ARHGEF4: variants seen among roughly 807,000 people sequenced by gnomAD.
ARHGEF4 encodes the protein APC-stimulated guanine nucleotide exchange factor 1.
A neutral mutation model predicts 162.0 loss-of-function variants in ARHGEF4; 119 were observed. That is an observed-to-expected ratio of 0.73 (90% CI 0.63 to 0.86). The LOEUF (loss-of-function observed/expected upper bound fraction) is 0.86. Among genes scored for constraint, ARHGEF4 ranks in the 40% least tolerant of loss-of-function variants. The probability of loss-of-function intolerance (pLI) is 0.00; values close to 1 mark genes in which losing one functional copy is unlikely to be tolerated. For synonymous variants in ARHGEF4, 1,014 were observed against 979.9 expected (o/e 1.03, Z -0.65); for missense variants, 2,488 against 2,456.0 (o/e 1.01, Z -0.28).
chr2:130,981,695 A>C (rs896002987), intron 4 of ARHGEF4, among the ~76,000 whole-genome samples: 1 of 151,884 alleles, frequency 6.6e-6, no homozygotes, highest in African/African-American at 2.4e-5. Flanking sequence ...GTAAAAACAA[A>C]CAGGAAACAG....
At chr2:130,891,822 C>T (rs757003744) in intron 1 of ARHGEF4, among the ~76,000 whole-genome samples, 19 of 152,200 alleles carry the variant, frequency 1.2e-4, no homozygotes, top group South Asian at 1.0e-3. Context: ...GGTACTGGGG[C>T]TTTGACACAG....
chr2:130,902,538 G>C (rs1680544876), intron 1 of ARHGEF4, among the ~76,000 whole-genome samples: 2 of 150,084 alleles, frequency 1.3e-5, no homozygotes, highest in Non-Finnish European at 3.0e-5. Flanking sequence ...AGGTTGCAGT[G>C]AGCCGAGATA....
At chr2:130,893,153 G>C (rs115940633) in intron 1 of ARHGEF4, among the ~76,000 whole-genome samples, 1 of 152,174 alleles carries the variant, frequency 6.6e-6, no homozygotes, top group Non-Finnish European at 1.5e-5. Flanking sequence ...TTTCTCTTGC[G>C]AGCACGTGCT....
chr2:130,939,073 A>G (rs1234059697), intron 3 of ARHGEF4, among the ~76,000 whole-genome samples: 1 of 152,138 alleles, frequency 6.6e-6, no homozygotes, highest in African/African-American at 2.4e-5. Context: ...ACCCTCAAGT[A>G]GGCCTCAGAA....
At chr2:130,837,992 A>G (rs1680324610) in intron 1 of ARHGEF4, among the ~76,000 whole-genome samples, 1 of 152,232 alleles carries the variant, frequency 6.6e-6, no homozygotes, top group Non-Finnish European at 1.5e-5. Context: ...CCCAGGGCAG[A>G]CCTGCAGGAG....
chr2:130,937,529 C>CTTAG (rs1188573014), intron 3 of ARHGEF4, among the ~76,000 whole-genome samples: 2 of 152,062 alleles, frequency 1.3e-5, no homozygotes, highest in Non-Finnish European at 2.9e-5. Context: ...TTTTGTTTCA[C>CTTAG]TTAGCTCTTT....
At chr2:130,898,837 G>A (rs1680315145) in intron 1 of ARHGEF4, among the ~76,000 whole-genome samples, 1 of 152,150 alleles carries the variant, frequency 6.6e-6, no homozygotes, top group African/African-American at 2.4e-5. Context: ...GCCAGTGACA[G>A]ACAGATTGTA....
At chr2:130,872,022 G>A (rs938633901) in intron 1 of ARHGEF4, among the ~76,000 whole-genome samples, 2 of 152,246 alleles carry the variant, frequency 1.3e-5, no homozygotes, top group Non-Finnish European at 2.9e-5. Flanking sequence ...CTGTGCATCT[G>A]CAAAATGGAG....
At chr2:130,977,923 A>G (rs1685864064) in intron 4 of ARHGEF4, among the ~76,000 whole-genome samples, 1 of 152,174 alleles carries the variant, frequency 6.6e-6, no homozygotes. Flanking sequence ...GCTCAAATCC[A>G]TCTCCCTGAC....
At chr2:131,027,873 C>T (rs1689580983) in intron 4 of ARHGEF4, 72 bp from the exon 5 acceptor site, 1 of 1,579,580 alleles carries the variant, frequency 6.3e-7, no homozygotes, top group Non-Finnish European at 8.6e-7. Flanking sequence ...CACTGGGCTC[C>T]TTCTCCACGT....
chr2:130,932,883 A>G (rs1682717586), intron 3 of ARHGEF4, among the ~76,000 whole-genome samples: 1 of 152,186 alleles, frequency 6.6e-6, no homozygotes, highest in Non-Finnish European at 1.5e-5. Context: ...TGAAGAGACT[A>G]TTCTGTCCCT....
intron 4 of ARHGEF4, among the ~76,000 whole-genome samples, chr2:130,992,387 A>ACGCT (rs146099026): frequency 0.024 from 3,655 of 152,162 alleles, 153 homozygotes; most frequent in East Asian, 0.2. Flanking sequence ...AAGAGCTGTA[A>ACGCT]CGCTCACCGC....
intron 4 of ARHGEF4, among the ~76,000 whole-genome samples, chr2:131,015,683 T>A (rs1688730462): frequency 6.6e-6 from 1 of 152,210 alleles, no homozygotes; most frequent in Non-Finnish European, 1.5e-5. Flanking sequence ...GGTCAGGAGT[T>A]CAAGACCAGC....
intron 1 of ARHGEF4, among the ~76,000 whole-genome samples, chr2:130,839,374 A>G (rs1680445865): frequency 1.3e-5 from 2 of 152,136 alleles, no homozygotes; most frequent in African/African-American, 4.8e-5. Flanking sequence ...CATTCTGGGA[A>G]CCTCAGATTG....
At position 131,043,516 on chromosome 2, in the gene ARHGEF4, A is replaced by T. The variant is rs1281591949; in HGVS notation, c.5090A>T (p.Gln1697Leu). 1 of 1,614,114 alleles carries T rather than the reference A, an allele frequency of 6.2e-7. No individual in the cohort carries two copies. Among genetic ancestry groups the T allele is most frequent in the South Asian group, 1.1e-5 (1 of 91,090 alleles). ...TCGGGGGAGCTGACTCGAGTTACAC[A>T]GCCTCAAGCCAAAAGCCAGCAGCGA... Reference protein sequence around the residue: ...IYSGELTRVTQPQAKSQQRMF... With the variant: ...IYSGELTRVTLPQAKSQQRMF... The change falls in exon 11 of 14, where the codon CAG becomes CTG. Residue 1697 changes from glutamine to leucine, a missense_variant. Physicochemically the swap from Gln to Leu is moderately radical, Grantham distance 113 (BLOSUM62 -2). Transcript: ENST00000409359.
intron 3 of ARHGEF4, among the ~76,000 whole-genome samples, chr2:130,938,816 C>T (rs1192694868): frequency 2.0e-5 from 3 of 152,096 alleles, no homozygotes; most frequent in African/African-American, 7.2e-5. Context: ...TCTTCAGTGA[C>T]CCCTAAGTCT....
intron 1 of ARHGEF4, among the ~76,000 whole-genome samples, chr2:130,906,337 A>C (rs1422463590): frequency 1.3e-5 from 2 of 152,230 alleles, no homozygotes; most frequent in Non-Finnish European, 2.9e-5. Context: ...TACGTTGTAT[A>C]TATTAACCCA....
intron 1 of ARHGEF4, among the ~76,000 whole-genome samples, chr2:130,872,664 T>C (rs1678568048): frequency 6.6e-6 from 1 of 152,212 alleles, no homozygotes; most frequent in Non-Finnish European, 1.5e-5. Context: ...GAAAGGAGAC[T>C]GTTTTCCTGC....
chr2:131,013,051 C>T (rs957381173), intron 4 of ARHGEF4, among the ~76,000 whole-genome samples: 4 of 152,158 alleles, frequency 2.6e-5, no homozygotes, highest in African/African-American at 9.7e-5. Context: ...AGATTCACCT[C>T]GGCAGTTACC....
Sources: gnomAD v4.1 joint callset for allele counts (sites outside exome capture counted in the v4.1 genomes callset) on GRCh38, gnomAD v4.1.1 for gene constraint, MANE v1.5 for transcripts, NCBI Gene and HGNC (gene_info 2026-07-23, HGNC 2026-07-21) for gene names.